Variants in FBXO25 observed in about 807,000 individuals in gnomAD.
The protein encoded by FBXO25 is F-box only protein 25.
Under a neutral mutation model 51.9 loss-of-function variants are expected in FBXO25, and 45 were observed. The ratio of observed to expected loss-of-function variants is 0.87; its 90% CI spans 0.68 to 1.11. The LOEUF (loss-of-function observed/expected upper bound fraction) is 1.11. Among genes scored for constraint, FBXO25 ranks in the 50% most tolerant of loss-of-function variants. The pLI is 0.00. For synonymous variants in FBXO25, 199 were observed against 151.0 expected, an observed-to-expected ratio of 1.32 and a Z score of -2.33; for missense variants, 507 against 428.5, an observed-to-expected ratio of 1.18 and a Z score of -1.62.
intron 5 of FBXO25, among the ~76,000 whole-genome samples, chr8:442,859 T>C (rs1214020559): frequency 2.6e-5 from 4 of 152,240 alleles, no homozygotes; most frequent in Non-Finnish European, 5.9e-5. Flanking sequence ...TATATTTACA[T>C]GTATATTTTT....
intron 2 of FBXO25, among the ~76,000 whole-genome samples, chr8:417,518 C>G (rs1780566378): frequency 6.6e-6 from 1 of 152,184 alleles, no homozygotes; most frequent in Non-Finnish European, 1.5e-5. Flanking sequence ...AGACTTTGGC[C>G]TGAGCAGCTA....
rs533727193 is a variant in FBXO25 at position 416,169 on chromosome 8, G to A, written c.134+2956G>A. Among the ~76,000 whole-genome samples the A allele has an allele frequency of 1.5e-3, 223 of 152,088 alleles. 1 individual carries two copies. Among genetic ancestry groups the A allele is most frequent in the Non-Finnish European group, 2.5e-3 (173 of 68,016 alleles). On this transcript the variant is annotated intron_variant, in intron 2 of 9. Coordinates refer to ENST00000350302, the MANE Select transcript of FBXO25 (RefSeq NM_183420.2). Reference sequence around the variant, plus strand: ...TTGGTCATCTGCTATGTGCCGGTAGGGCCCCCATGCGGCCCACAGCCCCAC... The same window carrying A: ...TTGGTCATCTGCTATGTGCCGGTAGAGCCCCCATGCGGCCCACAGCCCCAC...
intron 9 of FBXO25, chr8:467,617 C>T: frequency 8.6e-7 from 1 of 1,158,648 alleles, no homozygotes; most frequent in Non-Finnish European, 1.3e-6. Context: ...ATGAATCAAA[C>T]CTGAATGCTT....
At position 469,991 on chromosome 8, in the gene FBXO25, TG is replaced by T. The variant is rs1800425615; in HGVS notation, c.*1191del. On this transcript the variant is annotated 3_prime_UTR_variant, in exon 10 of 10. Coordinates refer to ENST00000350302, the MANE Select transcript of FBXO25 (RefSeq NM_183420.2). ...TTTCTCCTGAGGCGATGCAAATACC[TG>T]GGGCCTCTGCGAATATATGTTAGTT... The T allele has an allele frequency of 6.6e-6, 1 of 152,208 alleles. No individual in the cohort carries two copies. Among genetic ancestry groups the T allele is most frequent in the Non-Finnish European group, 1.5e-5 (1 of 68,036 alleles). 9.4% of individuals were successfully genotyped at this position (152,208 alleles called of 1,614,324 possible).
At chr8:409,260 T>C (rs1584989874) in intron 1 of FBXO25, among the ~76,000 whole-genome samples, 2 of 152,322 alleles carry the variant, frequency 1.3e-5, no homozygotes, top group East Asian at 3.9e-4. Context: ...TAAGAAAAAC[T>C]TCATTGTGAT....
intron 8 of FBXO25, among the ~76,000 whole-genome samples, chr8:461,684 C>T (rs1799822134): frequency 6.6e-6 from 1 of 152,148 alleles, no homozygotes; most frequent in Non-Finnish European, 1.5e-5. Flanking sequence ...ATTCCTAGCC[C>T]CAAGCAACCC....
At chr8:467,625 C>G (rs1208502652) in intron 9 of FBXO25, 2 of 1,222,840 alleles carry the variant, frequency 1.6e-6, no homozygotes, top group African/African-American at 1.5e-5. Context: ...AACCTGAATG[C>G]TTAGATACAC....
chr8:448,698 G>A (rs1390123769), intron 5 of FBXO25, among the ~76,000 whole-genome samples: 7 of 152,152 alleles, frequency 4.6e-5, no homozygotes, highest in Non-Finnish European at 7.3e-5. Context: ...AGAAAAGGTC[G>A]GTGGTTAGAG....
rs937637320 is a variant in FBXO25 at position 470,316 on chromosome 8, G to A, written c.*1512G>A. The A allele has an allele frequency of 2.6e-5, 4 of 151,962 alleles. No homozygotes were observed. Among genetic ancestry groups the A allele is most frequent in the Non-Finnish European group, 5.9e-5 (4 of 67,998 alleles). The allele number at this position is 151,962 out of a possible 1,614,324, so 9.4% of individuals were successfully genotyped here. A position where few individuals can be genotyped will look rare whatever the true frequency, so the allele number is the denominator to read the frequency against. On this transcript the variant is annotated 3_prime_UTR_variant, in exon 10 of 10. Transcript: ENST00000350302. ...CATCATGAGTCAAACATATTTTAAG[G>A]CTTTTAAATATATTTCTAGATTGTT...
chr8:455,792 A>T (rs928678530), intron 7 of FBXO25, among the ~76,000 whole-genome samples: 4 of 152,228 alleles, frequency 2.6e-5, no homozygotes, highest in African/African-American at 9.6e-5. Flanking sequence ...TCAGTGGAGG[A>T]AGTGCAGCAA....
At chr8:428,542 CACATA>C (rs1025552528) in intron 2 of FBXO25, among the ~76,000 whole-genome samples, 5 of 149,602 alleles carry the variant, frequency 3.3e-5, no homozygotes, top group Admixed American at 2.7e-4. Flanking sequence ...AAACAAAATA[CACATA>C]ACATAAAATT....
At chr8:420,993 C>G (rs1370112090) in intron 2 of FBXO25, among the ~76,000 whole-genome samples, 3 of 152,206 alleles carry the variant, frequency 2.0e-5, no homozygotes, top group Non-Finnish European at 4.4e-5. Flanking sequence ...ACAAACTTAT[C>G]CCATAATCCA....
At chr8:422,456 A>T (rs1797214776) in intron 2 of FBXO25, among the ~76,000 whole-genome samples, 1 of 152,208 alleles carries the variant, frequency 6.6e-6, no homozygotes, top group Non-Finnish European at 1.5e-5. Context: ...AGCTAAGTAC[A>T]GTGTGGATCC....
rs1800554361 is a variant in FBXO25 at position 473,691 on chromosome 8, C to T, written c.*4887C>T. 6.6e-6 allele frequency: 1 copy of T among 152,102 alleles called. No homozygotes were observed. Among genetic ancestry groups the T allele is most frequent in the Non-Finnish European group, 1.5e-5 (1 of 68,038 alleles). 9.4% of individuals were successfully genotyped at this position (152,102 alleles called of 1,614,324 possible). A position where few individuals can be genotyped will look rare whatever the true frequency, so the allele number is the denominator to read the frequency against. On this transcript the variant is annotated 3_prime_UTR_variant, in exon 10 of 10. Transcript: ENST00000350302. Reference sequence around the variant, plus strand: ...AGGGGTCCTGGGCTGGCTCTTGGACCATAACCAGCGTTCACTGAGGATGCG... The same window carrying T: ...AGGGGTCCTGGGCTGGCTCTTGGACTATAACCAGCGTTCACTGAGGATGCG...
At chr8:463,707 C>T (rs927393714) in intron 9 of FBXO25, among the ~76,000 whole-genome samples, 1 of 152,252 alleles carries the variant, frequency 6.6e-6, no homozygotes, top group Non-Finnish European at 1.5e-5. Flanking sequence ...CGTTACTTAT[C>T]TGCAAGTCTC....
chr8:477,208 T>C lies in FBXO25; in HGVS notation c.*8404T>C, dbSNP rs1226038224. 6.6e-6 allele frequency: 1 copy of C among 152,256 alleles called. No individual in the cohort carries two copies. Among genetic ancestry groups the C allele is most frequent in the African/African-American group, 2.4e-5 (1 of 41,468 alleles). The allele number at this position is 152,256 out of a possible 1,614,324, so 9.4% of individuals were successfully genotyped here. ...TTGTTTAGTCATCTAACATACTGTC[T>C]ATCCTAGAGAAAGGTCCATTTGCAC... On this transcript the variant is annotated 3_prime_UTR_variant, in exon 10 of 10. Transcript: ENST00000350302.
intron 2 of FBXO25, among the ~76,000 whole-genome samples, chr8:416,932 G>A (rs1796840034): frequency 6.6e-6 from 1 of 152,170 alleles, no homozygotes; most frequent in South Asian, 2.1e-4. Flanking sequence ...GATGGGTGGT[G>A]GTAGAGGAAG....
chr8:461,736 G>C (rs1012532406), intron 8 of FBXO25, among the ~76,000 whole-genome samples: 1 of 152,138 alleles, frequency 6.6e-6, no homozygotes, highest in South Asian at 2.1e-4. Context: ...TTCTGGATGT[G>C]TAATGTAAGA....
intron 2 of FBXO25, among the ~76,000 whole-genome samples, chr8:424,843 G>C (rs773828767): frequency 7.8e-4 from 119 of 152,070 alleles, no homozygotes; most frequent in Non-Finnish European, 1.4e-3. Context: ...TTGGCTATTT[G>C]GGCTCTTTTT....
Sources: gnomAD v4.1 joint callset for allele counts (sites outside exome capture counted in the v4.1 genomes callset) on GRCh38, gnomAD v4.1.1 for gene constraint, MANE v1.5 for transcripts, NCBI Gene and HGNC (gene_info 2026-07-23, HGNC 2026-07-21) for gene names.